ERC2: variants seen among roughly 807,000 people sequenced by gnomAD.
The protein encoded by ERC2 is ELKS/RAB6-interacting/CAST family member 2, also known as ERC protein 2.
A neutral mutation model predicts 114.8 loss-of-function variants in ERC2; 42 were observed. The ratio of observed to expected loss-of-function variants is 0.37; its 90% CI spans 0.29 to 0.47. ERC2 has a LOEUF of 0.47. ERC2 is among the 20% of genes least tolerant of loss of function. The pLI, the probability that ERC2 is intolerant of heterozygous loss-of-function variation, is 0.99. For synonymous variants in ERC2, 454 were observed against 425.5 expected (o/e 1.07, Z -0.82); for missense variants, 939 against 1,150.7 (o/e 0.82, Z 2.66).
chr3:56,090,293 G>T (rs561098042), intron 6 of ERC2, among the ~76,000 whole-genome samples: 1 of 152,244 alleles, frequency 6.6e-6, no homozygotes, highest in African/African-American at 2.4e-5. Context: ...AACTTCTGCA[G>T]CTATTTTAAT....
At chr3:55,590,890 G>A (rs1278190505) in intron 17 of ERC2, among the ~76,000 whole-genome samples, 1 of 152,084 alleles carries the variant, frequency 6.6e-6, no homozygotes, top group Non-Finnish European at 1.5e-5. Context: ...GTGCAATGGT[G>A]CTATCTCAGC....
At chr3:56,294,564 T>G (rs36044157) in intron 3 of ERC2, among the ~76,000 whole-genome samples, 33,354 of 152,214 alleles carry the variant, frequency 0.22, 4,292 homozygotes, top group Non-Finnish European at 0.28. Flanking sequence ...GCAGCTTGCT[T>G]CATCAAAGCA....
intron 17 of ERC2, among the ~76,000 whole-genome samples, chr3:55,648,728 G>A (rs79322811): frequency 0.027 from 4,088 of 152,240 alleles, 209 homozygotes; most frequent in African/African-American, 0.094. Context: ...CCTTTGCCCT[G>A]GTTCAGAGAC....
chr3:56,103,036 G>T (rs1161540006), intron 6 of ERC2, among the ~76,000 whole-genome samples: 2 of 152,088 alleles, frequency 1.3e-5, no homozygotes, highest in Non-Finnish European at 2.9e-5. Flanking sequence ...CCCAATAAAT[G>T]TTGGTTACCT....
intron 17 of ERC2, among the ~76,000 whole-genome samples, chr3:55,676,427 C>T (rs815416): frequency 0.79 from 118,552 of 150,336 alleles, 46,763 homozygotes; most frequent in African/African-American, 0.85. Context: ...GTTTCGCTGA[C>T]GTTTACTGAG....
At chr3:56,341,115 A>G (rs1297885489) in intron 2 of ERC2, among the ~76,000 whole-genome samples, 1 of 152,312 alleles carries the variant, frequency 6.6e-6, no homozygotes, top group South Asian at 2.1e-4. Flanking sequence ...ACTGTTATTT[A>G]AAAATTAAAA....
intron 7 of ERC2, among the ~76,000 whole-genome samples, chr3:56,066,499 T>C (rs1408909125): frequency 1.3e-5 from 2 of 152,188 alleles, no homozygotes. Context: ...TCCCATTCTG[T>C]AGGTTGTCTG....
At chr3:56,435,171 T>C (rs2061961192) in intron 1 of ERC2, 24 bp from the exon 2 acceptor site, 1 of 603,232 alleles carries the variant, frequency 1.7e-6, no homozygotes, top group Non-Finnish European at 2.9e-6. Context: ...AAAAGAATAA[T>C]TAAAAACAAA....
At chr3:56,110,572 A>C (rs2078907232) in intron 6 of ERC2, among the ~76,000 whole-genome samples, 1 of 152,192 alleles carries the variant, frequency 6.6e-6, no homozygotes, top group Non-Finnish European at 1.5e-5. Context: ...TACATACAAC[A>C]TAACAAAGTC....
Position 56,032,218 on chromosome 3 carries a change from G to A in ERC2, c.1642-13187C>T, listed in dbSNP as rs1025398939. 3.9e-5 allele frequency among the ~76,000 whole-genome samples: 6 copies of A among 152,156 alleles called. No individual in the cohort carries two copies. The South Asian group carries it at 6.2e-4, about 16-fold the overall frequency. On this transcript the variant is annotated intron_variant, in intron 7 of 17. Coordinates refer to ENST00000288221, the MANE Select transcript of ERC2 (RefSeq NM_015576.3). ...CTACAAAACCATAAGCCAAATAAAT[G>A]TTCTTTCCTTTATAAATTCCTGAGC...
At chr3:55,598,882 T>C (rs987480242) in intron 17 of ERC2, among the ~76,000 whole-genome samples, 4 of 140,186 alleles carry the variant, frequency 2.9e-5, no homozygotes, top group African/African-American at 7.3e-5. Flanking sequence ...GAAGGAGCTA[T>C]GCTAGAATAG....
intron 1 of ERC2, among the ~76,000 whole-genome samples, chr3:56,455,044 C>G (rs2063002663): frequency 6.6e-6 from 1 of 151,766 alleles, no homozygotes; most frequent in Admixed American, 6.6e-5. Context: ...TTTCCAGGGG[C>G]TGGGGGAATG....
At chr3:55,624,984 C>T (rs1391165592) in intron 17 of ERC2, among the ~76,000 whole-genome samples, 2 of 151,974 alleles carry the variant, frequency 1.3e-5, no homozygotes, top group African/African-American at 2.4e-5. Context: ...TATTATGTCC[C>T]TTTTATTACA....
At chr3:56,099,726 A>C (rs1033894498) in intron 6 of ERC2, among the ~76,000 whole-genome samples, 1 of 152,168 alleles carries the variant, frequency 6.6e-6, no homozygotes, top group African/African-American at 2.4e-5. Flanking sequence ...AAAAACAGGG[A>C]ATCTGTAGAA....
intron 3 of ERC2, among the ~76,000 whole-genome samples, chr3:56,200,413 C>A (rs1245903706): frequency 1.3e-5 from 2 of 151,568 alleles, no homozygotes; most frequent in African/African-American, 2.4e-5. Context: ...CCAGCTCTAA[C>A]AAGTTACTCA....
intron 14 of ERC2, among the ~76,000 whole-genome samples, chr3:55,763,870 T>C (rs1400787486): frequency 6.6e-6 from 1 of 152,208 alleles, no homozygotes; most frequent in African/African-American, 2.4e-5. Context: ...CCCTATATAA[T>C]AGTACCTAAT....
At chr3:55,872,117 C>T (rs1479193103) in intron 14 of ERC2, among the ~76,000 whole-genome samples, 1 of 152,108 alleles carries the variant, frequency 6.6e-6, no homozygotes, top group Non-Finnish European at 1.5e-5. Context: ...GTTCACTTTA[C>T]TTTAGTATAT....
At chr3:56,097,951 G>A (rs1233140796) in intron 6 of ERC2, among the ~76,000 whole-genome samples, 1 of 152,038 alleles carries the variant, frequency 6.6e-6, no homozygotes, top group Non-Finnish European at 1.5e-5. Context: ...AGAATATCTT[G>A]GATTGCAAAC....
rs574702798 is a variant in ERC2 at position 55,748,610 on chromosome 3, G to A, written c.2565-13692C>T. 2.0e-5 allele frequency among the ~76,000 whole-genome samples: 3 copies of A among 152,312 alleles called. No homozygotes were observed. The South Asian group carries it at 6.2e-4, about 32-fold the overall frequency. ...TGGATCATCAGCAATACCGTGCAAA[G>A]AAGATATCCCTGAATCCTGTTTCCC... On this transcript the variant is annotated intron_variant, in intron 14 of 17. Transcript: ENST00000288221.
Sources: gnomAD v4.1 joint callset for allele counts (sites outside exome capture counted in the v4.1 genomes callset) on GRCh38, gnomAD v4.1.1 for gene constraint, MANE v1.5 for transcripts, NCBI Gene and HGNC (gene_info 2026-07-23, HGNC 2026-07-21) for gene names.